DOK6: variants seen among roughly 807,000 people sequenced by gnomAD.
DOK6 encodes the protein docking protein 6.
A neutral mutation model predicts 44.0 loss-of-function variants in DOK6; 22 were observed. The ratio of observed to expected loss-of-function variants is 0.50; its 90% CI spans 0.36 to 0.71. The LOEUF (loss-of-function observed/expected upper bound fraction) is 0.71. Ranked by LOEUF, DOK6 falls within the 30% of genes least tolerant of loss-of-function variation. The pLI, the probability that DOK6 is intolerant of heterozygous loss-of-function variation, is 0.00. For synonymous variants in DOK6, 166 were observed against 145.5 expected, an observed-to-expected ratio of 1.14 and a Z score of -1.01; for missense variants, 340 against 416.4, an observed-to-expected ratio of 0.82 and a Z score of 1.60.
At chr18:69,840,364 A>G (rs1982179965) in intron 7 of DOK6, among the ~76,000 whole-genome samples, 2 of 152,218 alleles carry the variant, frequency 1.3e-5, no homozygotes. Context: ...AGTCATTCTC[A>G]AGTATGAAGA....
intron 1 of DOK6, among the ~76,000 whole-genome samples, chr18:69,517,731 T>TG (rs1377209245): frequency 9.3e-6 from 1 of 107,378 alleles, no homozygotes; most frequent in Non-Finnish European, 2.3e-5. Context: ...ACAGCTTGGT[T>TG]TTTTTTTTTT....
At chr18:69,803,262 A>C (rs909348884) in intron 7 of DOK6, among the ~76,000 whole-genome samples, 1 of 152,216 alleles carries the variant, frequency 6.6e-6, no homozygotes, top group African/African-American at 2.4e-5. Context: ...TAACAATTTT[A>C]TGAAATGCTC....
Position 69,417,629 on chromosome 18 carries a change from G to A in DOK6, c.66+16319G>A, listed in dbSNP as rs555775073. 2.1e-3 allele frequency among the ~76,000 whole-genome samples: 324 copies of A among 152,132 alleles called. 1 individual carries two copies. Among genetic ancestry groups the A allele is most frequent in the African/African-American group, 7.4e-3 (309 of 41,542 alleles). On this transcript the variant is annotated intron_variant, in intron 1 of 7. Coordinates refer to ENST00000382713, the MANE Select transcript of DOK6 (RefSeq NM_152721.6). ...GGCAATTCTATGTTCAAATTTTGAAGAACCTCCATACTGTATTTTAGATGG... is the reference window on the plus strand; with the variant it reads ...GGCAATTCTATGTTCAAATTTTGAAAAACCTCCATACTGTATTTTAGATGG...
chr18:69,805,312 G>T (rs1981023267), intron 7 of DOK6, among the ~76,000 whole-genome samples: 1 of 152,152 alleles, frequency 6.6e-6, no homozygotes, highest in African/African-American at 2.4e-5. Context: ...TTCATAGGTT[G>T]TGTCCTTTTA....
intron 7 of DOK6, among the ~76,000 whole-genome samples, chr18:69,792,134 A>C (rs1052302366): frequency 6.6e-6 from 1 of 152,116 alleles, no homozygotes; most frequent in Non-Finnish European, 1.5e-5. Flanking sequence ...TGCCATTACC[A>C]TGCTGTTTTA....
chr18:69,736,202 T>C (rs1978599494), intron 5 of DOK6, among the ~76,000 whole-genome samples: 1 of 152,228 alleles, frequency 6.6e-6, no homozygotes, highest in African/African-American at 2.4e-5. Context: ...TTATAGTAGC[T>C]ACTTGAAAAT....
At chr18:69,486,983 T>C (rs974002824) in intron 1 of DOK6, among the ~76,000 whole-genome samples, 3 of 152,192 alleles carry the variant, frequency 2.0e-5, no homozygotes, top group Non-Finnish European at 4.4e-5. Context: ...TGTTGTATGT[T>C]AATGATGATC....
chr18:69,463,062 A>G (rs1979830106), intron 1 of DOK6, among the ~76,000 whole-genome samples: 1 of 152,230 alleles, frequency 6.6e-6, no homozygotes, highest in South Asian at 2.1e-4. Flanking sequence ...TTGCTTATGT[A>G]CAACAGAAAT....
intron 5 of DOK6, among the ~76,000 whole-genome samples, chr18:69,716,823 T>C (rs1986894806): frequency 6.6e-6 from 1 of 152,158 alleles, no homozygotes; most frequent in African/African-American, 2.4e-5. Flanking sequence ...TTCTTAATTA[T>C]TTCTGATTTC....
chr18:69,693,171 T>TTATA (rs1455394551), intron 4 of DOK6, among the ~76,000 whole-genome samples: 1 of 152,172 alleles, frequency 6.6e-6, no homozygotes, highest in Non-Finnish European at 1.5e-5. Context: ...GAGTTAATAT[T>TTATA]TATACATCTC....
chr18:69,774,441 A>G (rs1453948731), intron 7 of DOK6, among the ~76,000 whole-genome samples: 1 of 151,812 alleles, frequency 6.6e-6, no homozygotes, highest in Non-Finnish European at 1.5e-5. Flanking sequence ...TCAAAATCTC[A>G]CAAATCACCA....
intron 5 of DOK6, among the ~76,000 whole-genome samples, chr18:69,720,460 T>C (rs1986982222): frequency 6.6e-6 from 1 of 152,210 alleles, no homozygotes; most frequent in South Asian, 2.1e-4. Context: ...AGGTGATGAA[T>C]AGAATCTTAA....
chr18:69,661,490 C>G (rs1985525089), intron 3 of DOK6: 2 of 152,154 alleles, frequency 1.3e-5, no homozygotes, highest in African/African-American at 4.8e-5. Flanking sequence ...CTATGGGCAT[C>G]TCCTAGATAG....
At chr18:69,839,298 G>T (rs1199981398) in intron 7 of DOK6, among the ~76,000 whole-genome samples, 2 of 109,912 alleles carry the variant, frequency 1.8e-5, no homozygotes, top group East Asian at 2.6e-4. Context: ...CACTTCCCCT[G>T]GTCCTGCCCC....
intron 1 of DOK6, among the ~76,000 whole-genome samples, chr18:69,428,855 A>G (rs956177442): frequency 6.6e-6 from 1 of 152,238 alleles, no homozygotes; most frequent in Non-Finnish European, 1.5e-5. Context: ...TCAATGATGA[A>G]TAATCATCAG....
chr18:69,596,994 A>C (rs1173207849), intron 2 of DOK6, among the ~76,000 whole-genome samples: 1 of 152,090 alleles, frequency 6.6e-6, no homozygotes, highest in East Asian at 1.9e-4. Context: ...AATTATAAAG[A>C]AAATGTTAAT....
intron 1 of DOK6, among the ~76,000 whole-genome samples, chr18:69,525,010 A>G (rs1201685906): frequency 3.3e-4 from 50 of 151,816 alleles, no homozygotes; most frequent in Non-Finnish European, 5.9e-5. Context: ...GTCTTGTATT[A>G]GTATATAAAT....
chr18:69,696,362 A>G (rs1199097543), intron 4 of DOK6, among the ~76,000 whole-genome samples: 5 of 152,316 alleles, frequency 3.3e-5, no homozygotes, highest in East Asian at 1.9e-4. Context: ...GTTTTTAACT[A>G]TCAAACTATG....
chr18:69,640,312 T>A (rs916925150), intron 3 of DOK6, among the ~76,000 whole-genome samples: 5 of 152,202 alleles, frequency 3.3e-5, no homozygotes, highest in African/African-American at 1.2e-4. Context: ...TCAAAATCTC[T>A]TAAAATTTCC....
Sources: gnomAD v4.1 joint callset for allele counts (sites outside exome capture counted in the v4.1 genomes callset) on GRCh38, gnomAD v4.1.1 for gene constraint, MANE v1.5 for transcripts, NCBI Gene and HGNC (gene_info 2026-07-23, HGNC 2026-07-21) for gene names.